Variants in LGALS3BP observed in about 807,000 individuals in gnomAD.
The protein encoded by LGALS3BP is galectin 3 binding protein.
LGALS3BP carries 25 observed loss-of-function variants against 22.9 expected under a neutral mutation model. The observed-to-expected ratio is 1.09, with a 90% CI of 0.80 to 1.53. The LOEUF is 1.53. Among genes scored for constraint, LGALS3BP ranks in the 40% most tolerant of loss-of-function variants. LGALS3BP has a pLI of 0.00. For missense variants in LGALS3BP, 718 were observed against 752.0 expected (o/e 0.95, Z 0.53); for synonymous variants, 335 against 331.1 (o/e 1.01, Z -0.13).
In LGALS3BP at chr17:78,972,048, T is replaced by A; in HGVS notation, c.1286A>T (p.Gln429Leu). 1 of 1,614,090 alleles carries A rather than the reference T, an allele frequency of 6.2e-7. No homozygotes were observed. Among genetic ancestry groups the A allele is most frequent in the Non-Finnish European group, 8.5e-7 (1 of 1,180,024 alleles). ...TDSSWSARKS[Q>L]LVYQSRRGPL... The stretch of plus-strand genomic sequence containing the variant: ...CCCCCGTCTGGACTGATAGACCAGT[T>A]GTGACTTCCGTGCACTCCAGGAACT... The change falls in exon 6 of 6, where the codon CAA becomes CTA. Residue 429 changes from glutamine (Q) to leucine (L), a missense_variant. Gln to Leu is a moderately radical substitution (Grantham distance 113, BLOSUM62 -2). Coordinates refer to ENST00000262776, the MANE Select transcript of LGALS3BP (RefSeq NM_005567.4). This position sits in a 1 kb window ranked among gnomAD's most constrained non-coding sequence, Gnocchi z 5.1.
chr17:78,977,091 C>T (rs1482231663), intron 2 of LGALS3BP, 49 bp downstream of exon 2: 1 of 1,601,402 alleles, frequency 6.2e-7, no homozygotes, highest in Non-Finnish European at 8.6e-7. Flanking sequence ...CCAGGGTGCA[C>T]CAGCCTTCCA....
chr17:78,976,762 C>G lies in LGALS3BP; in HGVS notation c.52+378G>C, dbSNP rs1348557216. On this transcript the variant is annotated intron_variant, in intron 2 of 5. Coordinates refer to ENST00000262776, the MANE Select transcript of LGALS3BP (RefSeq NM_005567.4). This position sits in a 1 kb window ranked among gnomAD's most constrained non-coding sequence, Gnocchi z 4.6. The stretch of plus-strand genomic sequence containing the variant: ...GGCCCCCAGGATGAGCATGAGCTTC[C>G]AGGGGCTCACAGTGTAAAGAATGTG... The G allele has an allele frequency of 4.3e-6, 1 of 231,010 alleles. No individual in the cohort carries two copies. Among genetic ancestry groups the G allele is most frequent in the Non-Finnish European group, 8.7e-6 (1 of 115,388 alleles). 14.3% of individuals were successfully genotyped at this position (231,010 alleles called of 1,614,324 possible). A position where few individuals can be genotyped will look rare whatever the true frequency, so the allele number is the denominator to read the frequency against.
chr17:78,972,864 G>T lies in LGALS3BP; in HGVS notation c.629+106C>A. On this transcript the variant is annotated intron_variant, in intron 5 of 5. Coordinates refer to ENST00000262776, the MANE Select transcript of LGALS3BP (RefSeq NM_005567.4). This position sits in a 1 kb window ranked among gnomAD's most constrained non-coding sequence, Gnocchi z 5.1. The stretch of plus-strand genomic sequence containing the variant: ...CATGTGTGACTGCGTGTGTACATGT[G>T]CATGCATGAGTATGTGCAGGTGTGT... 6.9e-7 allele frequency: 1 copy of T among 1,456,248 alleles called. No individual in the cohort carries two copies. The highest frequency in any genetic ancestry group is 9.3e-7 in the Non-Finnish European group (1 of 1,078,682). The allele number at this position is 1,456,248 out of a possible 1,614,324, so 90.2% of individuals were successfully genotyped here.
Position 78,976,018 on chromosome 17 carries a change from G to T in LGALS3BP, c.191C>A (p.Ala64Asp). 1 of 1,612,692 alleles carries T rather than the reference G, an allele frequency of 6.2e-7. No homozygotes were observed. The highest frequency in any genetic ancestry group is 1.1e-5 in the South Asian group (1 of 90,930). Residue 64 changes from alanine to aspartate, a missense_variant, in exon 3 of 6, where the codon GCC becomes GAC. Ala to Asp is a moderately radical substitution (Grantham distance 126). Transcript: ENST00000262776. The surrounding 1 kb of genome is among the most constrained non-coding windows in gnomAD (Gnocchi z 4.6). ...CTGGGTGGCGTTCTCGAAGCCCAGG[G>T]CCCGGCAGACGACGCTGGCATCAGT... is the stretch of plus-strand genomic sequence containing the variant. ...DLTDASVVCR[A>D]LGFENATQAL...
At chr17:78,974,382 G>A (rs952706651) in intron 4 of LGALS3BP, among the ~76,000 whole-genome samples, 1 of 152,218 alleles carries the variant, frequency 6.6e-6, no homozygotes, top group Non-Finnish European at 1.5e-5. Flanking sequence ...GGCATTTCAG[G>A]TCAGGCTGGA....
Position 78,971,350 on chromosome 17 carries a change from C to A in LGALS3BP, c.*226G>T. The A allele has an allele frequency of 1.8e-6, 1 of 571,188 alleles. No homozygotes were observed. The allele number at this position is 571,188 out of a possible 1,614,324, so 35.4% of individuals were successfully genotyped here. On this transcript the variant is annotated 3_prime_UTR_variant, in exon 6 of 6. Transcript: ENST00000262776. The surrounding 1 kb of genome is among the most constrained non-coding windows in gnomAD (Gnocchi z 5.6). ...GATCCCAGAGCAACCTCGAGGGCGT[C>A]CTGGTGCTTACCACCTGGAAACTGG...
In LGALS3BP at chr17:78,973,281, G is replaced by T. The variant is rs2070691821; in HGVS notation, c.377-59C>A. On this transcript the variant is annotated intron_variant, in intron 4 of 5. Coordinates refer to ENST00000262776, the MANE Select transcript of LGALS3BP (RefSeq NM_005567.4). This position sits in a 1 kb window ranked among gnomAD's most constrained non-coding sequence, Gnocchi z 5.8. The stretch of plus-strand genomic sequence containing the variant: ...AGGAGCCGGGGCACTGCCACTCTCT[G>T]GGGTCAGTGTCTTCATCTGAAAGTG... 6.9e-7 allele frequency: 1 copy of T among 1,442,326 alleles called. No homozygotes were observed. The highest frequency in any genetic ancestry group is 1.4e-5 in the African/African-American group (1 of 70,114). 89.3% of individuals were successfully genotyped at this position (1,442,326 alleles called of 1,614,324 possible). A position where few individuals can be genotyped will look rare whatever the true frequency, so the allele number is the denominator to read the frequency against.
Position 78,977,171 on chromosome 17 carries a change from G to T in LGALS3BP, c.21C>A (p.Phe7Leu). ...TTCCTGCAACCAGCAGCCACACCCA[G>T]AAGAGCCTCGGAGGGGTCATGGCCG... MTPPRL[F>L]WVWLLVAGTQ... The change falls in exon 2 of 6, where the codon TTC becomes TTA. Residue 7 changes from phenylalanine (F) to leucine (L), a missense_variant. Transcript: ENST00000262776. 1 of 1,613,348 alleles carries T rather than the reference G, an allele frequency of 6.2e-7. No individual in the cohort carries two copies.
At chr17:78,977,642 A>G (rs2070732852) in intron 1 of LGALS3BP, among the ~76,000 whole-genome samples, 1 of 151,834 alleles carries the variant, frequency 6.6e-6, no homozygotes, top group African/African-American at 2.4e-5. Context: ...CTCGGCCTTA[A>G]GCTTCAGGCA....
rs1366899662 is a variant in LGALS3BP, at chr17:78,972,024, C to T, written c.1310G>A (p.Gly437Glu). 20 of 1,614,018 alleles carry T rather than the reference C, an allele frequency of 1.2e-5. No individual in the cohort carries two copies. The highest frequency in any genetic ancestry group is 1.7e-5 in the Non-Finnish European group (20 of 1,180,014). Residue 437 changes from glycine to glutamate, a missense_variant, in exon 6 of 6, where the codon GGG becomes GAG. Transcript: ENST00000262776. The surrounding 1 kb of genome is among the most constrained non-coding windows in gnomAD (Gnocchi z 5.1). Reference sequence around the variant, plus strand: ...ATCAGAAGAATATTTGACCAAAGGCCCCCGTCTGGACTGATAGACCAGTTG... The same window carrying T: ...ATCAGAAGAATATTTGACCAAAGGCTCCCGTCTGGACTGATAGACCAGTTG... Reference protein sequence around the residue: ...KSQLVYQSRRGPLVKYSSDYF... With the variant: ...KSQLVYQSRREPLVKYSSDYF...
chr17:78,973,792 T>C lies in LGALS3BP; in HGVS notation c.377-570A>G, dbSNP rs1193290721. ...CTAACTCAAAATGAAATCCCATAGG[T>C]TTTTCTTCGCCACAAATATAGTAGT... On this transcript the variant is annotated intron_variant, in intron 4 of 5. Coordinates refer to ENST00000262776, the MANE Select transcript of LGALS3BP (RefSeq NM_005567.4). This position sits in a 1 kb window ranked among gnomAD's most constrained non-coding sequence, Gnocchi z 5.8. Among the ~76,000 whole-genome samples, 1 of 152,018 alleles carries C rather than the reference T, an allele frequency of 6.6e-6. No homozygotes were observed. Among genetic ancestry groups the C allele is most frequent in the Non-Finnish European group, 1.5e-5 (1 of 68,012 alleles).
chr17:78,977,370 G>A lies in LGALS3BP; in HGVS notation c.-23-156C>T, dbSNP rs1416165280. The A allele has an allele frequency of 3.0e-5, 19 of 624,890 alleles. No homozygotes were observed. The East Asian group carries it at 3.4e-4, about 11-fold the overall frequency. 38.7% of individuals were successfully genotyped at this position (624,890 alleles called of 1,614,324 possible). A position where few individuals can be genotyped will look rare whatever the true frequency, so the allele number is the denominator to read the frequency against. ...CCACTATGATCCCAGTAAGTGTGAC[G>A]TGTGCTGTGGATGCCCCCGCGGGGG... On this transcript the variant is annotated intron_variant, in intron 1 of 5. Transcript: ENST00000262776.
At position 78,972,295 on chromosome 17, in the gene LGALS3BP, G is replaced by A. The variant is rs773459748; in HGVS notation, c.1039C>T (p.Arg347Cys). ...EEVEGLVEKI[R>C]FPMMLPEELF... ...TCCTCAGGGAGCATCATGGGGAAGC[G>A]GATCTTCTCCACCAAGCCCTCCACC... is the stretch of plus-strand genomic sequence containing the variant. The change falls in exon 6 of 6, where the codon CGC becomes TGC. Residue 347 changes from arginine (R) to cysteine (C), a missense_variant. Arg to Cys is a radical substitution (Grantham distance 180). Coordinates refer to ENST00000262776, the MANE Select transcript of LGALS3BP (RefSeq NM_005567.4). The surrounding 1 kb of genome is among the most constrained non-coding windows in gnomAD (Gnocchi z 5.1). 6.8e-6 allele frequency: 11 copies of A among 1,613,116 alleles called. No individual in the cohort carries two copies. Among genetic ancestry groups the A allele is most frequent in the Admixed American group, 6.7e-5 (4 of 60,000 alleles).
Position 78,972,914 on chromosome 17 carries a change from A to G in LGALS3BP, c.629+56T>C. Reference sequence around the variant, plus strand: ...TGTGTGGGGGGCTGTGCTTTTGAAGAGGGGAGGAGGACAAAGCCCCTGGCG... The same window carrying G: ...TGTGTGGGGGGCTGTGCTTTTGAAGGGGGGAGGAGGACAAAGCCCCTGGCG... On this transcript the variant is annotated intron_variant, in intron 5 of 5. Transcript: ENST00000262776. The surrounding 1 kb of genome is among the most constrained non-coding windows in gnomAD (Gnocchi z 5.1). 6.4e-7 allele frequency: 1 copy of G among 1,553,142 alleles called. No individual in the cohort carries two copies. The highest frequency in any genetic ancestry group is 8.7e-7 in the Non-Finnish European group (1 of 1,148,568).
intron 3 of LGALS3BP, 44 bp downstream of exon 3, chr17:78,975,921 T>C (rs2070716045): frequency 6.9e-7 from 1 of 1,458,116 alleles, no homozygotes; most frequent in South Asian, 1.3e-5. Flanking sequence ...GAGCTGGCTG[T>C]GCTGTGGGTC....
chr17:78,977,144 G>C lies in LGALS3BP; in HGVS notation c.48C>G (p.Thr16=). 6.2e-7 allele frequency: 1 copy of C among 1,613,288 alleles called. No individual in the cohort carries two copies. Among genetic ancestry groups the C allele is most frequent in the South Asian group, 1.1e-5 (1 of 91,078 alleles). Residue 16 remains threonine, a synonymous_variant, in exon 2 of 6, where the codon ACC becomes ACG. Coordinates refer to ENST00000262776, the MANE Select transcript of LGALS3BP (RefSeq NM_005567.4). ...LFWVWLLVAG[T]QGVNDGDMRL... ...TTTCCCAGGGGCTCAGCTCACCTTGGGTTCCTGCAACCAGCAGCCACACCC... is the reference window on the plus strand; with the variant it reads ...TTTCCCAGGGGCTCAGCTCACCTTGCGTTCCTGCAACCAGCAGCCACACCC...
chr17:78,977,421 C>G (rs773600346), intron 1 of LGALS3BP: 2 of 553,268 alleles, frequency 3.6e-6, no homozygotes, highest in Non-Finnish European at 6.4e-6. Context: ...GCAGTGTGGT[C>G]CTGGAAGGAT....
chr17:78,973,541 G>A lies in LGALS3BP; in HGVS notation c.377-319C>T, dbSNP rs1052109352. On this transcript the variant is annotated intron_variant, in intron 4 of 5. Transcript: ENST00000262776. This position sits in a 1 kb window ranked among gnomAD's most constrained non-coding sequence, Gnocchi z 5.8. ...ATGGAGACTTGGTGGTACTGACTCC[G>A]GAGCCCCCACTCCCCAGCCTTGGTC... 6.6e-6 allele frequency among the ~76,000 whole-genome samples: 1 copy of A among 152,206 alleles called. No individual in the cohort carries two copies. Among genetic ancestry groups the A allele is most frequent in the Admixed American group, 6.5e-5 (1 of 15,288 alleles).
chr17:78,977,536 G>A (rs2070731948), intron 1 of LGALS3BP: 1 of 298,736 alleles, frequency 3.3e-6, no homozygotes, highest in African/African-American at 2.2e-5. Context: ...AAAAAACCAG[G>A]CCCCGGGCAA....
Sources: allele counts gnomAD v4.1 joint callset (sites outside exome capture counted in the v4.1 genomes callset), GRCh38; gene constraint gnomAD v4.1.1; non-coding constraint Gnocchi (gnomAD v3.1); transcripts MANE v1.5; gene names NCBI Gene and HGNC (gene_info 2026-07-23, HGNC 2026-07-21).